CNTN4: variants seen among roughly 807,000 people sequenced by gnomAD.
The protein encoded by CNTN4 is contactin 4.
CNTN4 carries 77 observed loss-of-function variants against 122.5 expected under a neutral mutation model. The observed-to-expected ratio is 0.63, with a 90% CI of 0.52 to 0.76. CNTN4 has a LOEUF of 0.76. Ranked by LOEUF, CNTN4 falls within the 30% of genes least tolerant of loss-of-function variation. The pLI is 0.00. For synonymous variants in CNTN4, 512 were observed against 447.0 expected, an observed-to-expected ratio of 1.15 and a Z score of -1.83; for missense variants, 1,256 against 1,259.1, an observed-to-expected ratio of 1.00 and a Z score of 0.04.
intron 14 of CNTN4, among the ~76,000 whole-genome samples, chr3:3,024,355 T>A (rs1698544543): frequency 7.5e-6 from 1 of 133,556 alleles, no homozygotes. Flanking sequence ...TTGCTTAGAG[T>A]AAGATTTGTA....
intron 2 of CNTN4, among the ~76,000 whole-genome samples, chr3:2,141,798 C>G (rs1031520844): frequency 6.6e-6 from 1 of 152,088 alleles, no homozygotes; most frequent in Non-Finnish European, 1.5e-5. Context: ...CAGATGAATT[C>G]TCACTATGAA....
intron 3 of CNTN4, among the ~76,000 whole-genome samples, chr3:2,561,908 A>G (rs2149431501): frequency 6.6e-6 from 1 of 152,330 alleles, no homozygotes; most frequent in East Asian, 1.9e-4. Context: ...TGGGCTAAGC[A>G]GCAAAGAGTG....
intron 3 of CNTN4, among the ~76,000 whole-genome samples, chr3:2,454,748 C>G (rs1226050914): frequency 6.6e-6 from 1 of 150,648 alleles, no homozygotes; most frequent in Non-Finnish European, 1.5e-5. Flanking sequence ...TACCTCTCCT[C>G]TAGGATACCT....
chr3:2,783,830 A>G (rs1475334589), intron 6 of CNTN4, among the ~76,000 whole-genome samples: 1 of 152,204 alleles, frequency 6.6e-6, no homozygotes, highest in Non-Finnish European at 1.5e-5. Flanking sequence ...CTAATCCACC[A>G]GGTTGACACT....
In CNTN4 at chr3:2,977,056, T is replaced by C. The variant is rs182429605; in HGVS notation, c.1359-11289T>C. On this transcript the variant is annotated intron_variant, in intron 13 of 24. Transcript: ENST00000418658. ...AGTCACAGGCTAATTCTCCTGTTGA[T>C]AGGTTGAATATATGAATCTTTATCT... Among the ~76,000 whole-genome samples, 166 of 152,346 alleles carry C rather than the reference T, an allele frequency of 1.1e-3. 1 individual carries two copies. Among genetic ancestry groups the C allele is most frequent in the African/African-American group, 3.4e-3 (143 of 41,582 alleles).
intron 12 of CNTN4, among the ~76,000 whole-genome samples, chr3:2,910,018 ACCC>A (rs2094282776): frequency 1.3e-5 from 2 of 152,186 alleles, no homozygotes; most frequent in African/African-American, 4.8e-5. Flanking sequence ...AATCCGAAGT[ACCC>A]CTGTATGAGA....
chr3:2,933,982 A>C (rs1181229502), intron 13 of CNTN4, among the ~76,000 whole-genome samples: 2 of 152,098 alleles, frequency 1.3e-5, no homozygotes, highest in Non-Finnish European at 2.9e-5. Context: ...AGACTCAAAG[A>C]GGTGGGAGAA....
At chr3:2,227,359 G>C (rs2039325664) in intron 2 of CNTN4, among the ~76,000 whole-genome samples, 1 of 152,146 alleles carries the variant, frequency 6.6e-6, no homozygotes, top group African/African-American at 2.4e-5. Flanking sequence ...CAAGTAATAT[G>C]AACCTCAACA....
At chr3:2,793,579 G>T (rs1316841489) in intron 6 of CNTN4, among the ~76,000 whole-genome samples, 1 of 152,026 alleles carries the variant, frequency 6.6e-6, no homozygotes, top group Admixed American at 6.6e-5. Context: ...TTTCTTTTCA[G>T]TTCTTAATCA....
intron 2 of CNTN4, among the ~76,000 whole-genome samples, chr3:2,187,686 C>T (rs752938845): frequency 1.3e-5 from 2 of 152,108 alleles, no homozygotes; most frequent in Non-Finnish European, 2.9e-5. Flanking sequence ...TACCGTCTGC[C>T]CTAACCTGAT....
At chr3:2,187,613 C>T (rs1349379783) in intron 2 of CNTN4, among the ~76,000 whole-genome samples, 3 of 152,088 alleles carry the variant, frequency 2.0e-5, no homozygotes, top group East Asian at 1.9e-4. Context: ...CACATTCTGC[C>T]GGGTTCCGTC....
At chr3:2,640,946 G>A (rs544263492) in intron 4 of CNTN4, among the ~76,000 whole-genome samples, 1 of 152,276 alleles carries the variant, frequency 6.6e-6, no homozygotes, top group African/African-American at 2.4e-5. Flanking sequence ...CAGAGGATAA[G>A]AGGGGAAGAG....
At chr3:2,118,499 AC>A (rs778774064) in intron 2 of CNTN4, among the ~76,000 whole-genome samples, 4 of 152,266 alleles carry the variant, frequency 2.6e-5, no homozygotes, top group Non-Finnish European at 5.9e-5. Context: ...AAGATTTTCA[AC>A]CAAATATTTG....
chr3:2,819,431 T>C, intron 6 of CNTN4, 55 bp from the exon 7 acceptor site: 1 of 1,346,650 alleles, frequency 7.4e-7, no homozygotes, highest in Non-Finnish European at 1.1e-6. Context: ...GTACTCTCCC[T>C]TGATATCTTA....
chr3:2,892,783 G>A (rs927802878), intron 10 of CNTN4, among the ~76,000 whole-genome samples: 2 of 152,180 alleles, frequency 1.3e-5, no homozygotes, highest in African/African-American at 2.4e-5. Flanking sequence ...AGTAAACAAG[G>A]CTGTATTTCA....
intron 13 of CNTN4, among the ~76,000 whole-genome samples, chr3:2,941,459 CAGTT>C (rs1478276713): frequency 6.6e-6 from 1 of 152,224 alleles, no homozygotes; most frequent in Non-Finnish European, 1.5e-5. Flanking sequence ...GAACCTTAGT[CAGTT>C]ATACACCACC....
At chr3:2,294,623 G>A (rs1486218390) in intron 2 of CNTN4, among the ~76,000 whole-genome samples, 2 of 151,954 alleles carry the variant, frequency 1.3e-5, no homozygotes, top group East Asian at 3.9e-4. Context: ...AGTGAGACCT[G>A]TTTCAAAAAC....
intron 14 of CNTN4, 105 bp downstream of exon 14, chr3:2,988,577 C>T: frequency 1.7e-6 from 2 of 1,162,552 alleles, no homozygotes; most frequent in African/African-American, 1.5e-5. Context: ...ACAGATACCA[C>T]TGTATTGCTA....
At chr3:3,048,956 T>C (rs1700970522) in intron 23 of CNTN4, among the ~76,000 whole-genome samples, 1 of 152,226 alleles carries the variant, frequency 6.6e-6, no homozygotes, top group African/African-American at 2.4e-5. Flanking sequence ...AGCATCTGGT[T>C]TTAGTATCAC....
Sources: allele counts gnomAD v4.1 joint callset (sites outside exome capture counted in the v4.1 genomes callset), GRCh38; gene constraint gnomAD v4.1.1; transcripts MANE v1.5; gene names NCBI Gene and HGNC (gene_info 2026-07-23, HGNC 2026-07-21).